Variants in EXOC4 observed in about 807,000 individuals in gnomAD.
EXOC4 encodes the protein exocyst complex component 4, also known as SEC8-like 1.
Under a neutral mutation model 107.2 loss-of-function variants are expected in EXOC4, and 71 were observed. The ratio of observed to expected loss-of-function variants is 0.66; its 90% CI spans 0.55 to 0.81. The LOEUF (loss-of-function observed/expected upper bound fraction) is 0.81, where lower values mean the gene tolerates loss of function less well. EXOC4 is among the 30% of genes least tolerant of loss of function. The probability of loss-of-function intolerance (pLI) is 0.00; values close to 1 mark genes in which losing one functional copy is unlikely to be tolerated. For missense variants in EXOC4, 1,108 were observed against 1,189.6 expected, an observed-to-expected ratio of 0.93 and a Z score of 1.01; for synonymous variants, 456 against 441.2, an observed-to-expected ratio of 1.03 and a Z score of -0.42.
At chr7:134,071,675 A>G in the EXOC4 span, among the ~76,000 whole-genome samples, 2 of 152,134 alleles carry the variant, frequency 1.3e-5, no homozygotes, top group Non-Finnish European at 2.9e-5. Context: ...CCCTATTATC[A>G]TCCTTGCTTT....
At chr7:133,764,633 A>G (rs1364676295) in intron 10 of EXOC4, among the ~76,000 whole-genome samples, 1 of 152,084 alleles carries the variant, frequency 6.6e-6, no homozygotes, top group African/African-American at 2.4e-5. Flanking sequence ...TATATCTCAT[A>G]TATGCACAGT....
At chr7:133,914,340 G>A (rs1002041569) in intron 12 of EXOC4, among the ~76,000 whole-genome samples, 5 of 152,162 alleles carry the variant, frequency 3.3e-5, no homozygotes, top group Non-Finnish European at 5.9e-5. Flanking sequence ...GGCTACAGAG[G>A]TTTCAGGACC....
At chr7:133,575,980 CA>C (rs1263202157) in intron 9 of EXOC4, among the ~76,000 whole-genome samples, 1 of 152,158 alleles carries the variant, frequency 6.6e-6, no homozygotes, top group Admixed American at 6.6e-5. Context: ...CAGATGGGCA[CA>C]GTGAATATTG....
intron 7 of EXOC4, among the ~76,000 whole-genome samples, chr7:133,408,972 G>A (rs942311248): frequency 2.8e-4 from 42 of 152,084 alleles, no homozygotes; most frequent in African/African-American, 9.2e-4. Flanking sequence ...CCTGTGTTAG[G>A]ACCATCTTAT....
intron 9 of EXOC4, among the ~76,000 whole-genome samples, chr7:133,533,493 C>G (rs1415407200): frequency 6.6e-6 from 1 of 152,072 alleles, no homozygotes; most frequent in African/African-American, 2.4e-5. Context: ...CAATGAGAAT[C>G]TGGCTAGTTT....
intron 14 of EXOC4, among the ~76,000 whole-genome samples, chr7:133,963,379 G>A (rs1453638732): frequency 6.6e-6 from 1 of 152,238 alleles, no homozygotes; most frequent in Non-Finnish European, 1.5e-5. Context: ...CATAAGTACT[G>A]TTGTAATACA....
chr7:133,560,662 C>T (rs1800788653), intron 9 of EXOC4, among the ~76,000 whole-genome samples: 1 of 152,052 alleles, frequency 6.6e-6, no homozygotes, highest in East Asian at 1.9e-4. Flanking sequence ...GCTGGTGTGG[C>T]TGTATTTCTG....
chr7:133,759,501 C>G (rs185009136), intron 10 of EXOC4, among the ~76,000 whole-genome samples: 3 of 152,292 alleles, frequency 2.0e-5, no homozygotes, highest in Non-Finnish European at 4.4e-5. Flanking sequence ...AAACAGCTGT[C>G]CTATGAGTGT....
At chr7:133,836,890 C>A (rs1289416348) in intron 11 of EXOC4, among the ~76,000 whole-genome samples, 1 of 152,056 alleles carries the variant, frequency 6.6e-6, no homozygotes, top group Non-Finnish European at 1.5e-5. Flanking sequence ...AATATAATTG[C>A]CGTTATACTG....
chr7:133,323,052 C>A (rs1436960296), intron 5 of EXOC4, among the ~76,000 whole-genome samples: 1 of 152,134 alleles, frequency 6.6e-6, no homozygotes, highest in African/African-American at 2.4e-5. Context: ...GATTTTTGCA[C>A]ATTGATTTTG....
intron 14 of EXOC4, among the ~76,000 whole-genome samples, chr7:133,966,535 A>G (rs1218179389): frequency 6.6e-6 from 1 of 152,194 alleles, no homozygotes; most frequent in Non-Finnish European, 1.5e-5. Context: ...TTTAGCATGA[A>G]GAGGTGTTGA....
intron 11 of EXOC4, among the ~76,000 whole-genome samples, chr7:133,841,896 T>C (rs1798031530): frequency 6.6e-6 from 1 of 152,222 alleles, no homozygotes; most frequent in East Asian, 1.9e-4. Flanking sequence ...CTCTCACTTA[T>C]AAGTGAGAAC....
At chr7:134,002,310 A>G (rs559664218) in intron 15 of EXOC4, among the ~76,000 whole-genome samples, 17 of 152,330 alleles carry the variant, frequency 1.1e-4, no homozygotes, top group African/African-American at 3.8e-4. Flanking sequence ...GACACATCCC[A>G]TATAAAACTT....
chr7:133,412,134 T>C (rs1797371057), intron 7 of EXOC4, among the ~76,000 whole-genome samples: 1 of 152,008 alleles, frequency 6.6e-6, no homozygotes. Flanking sequence ...TGTTATAAGG[T>C]GTGTTGCTTT....
chr7:133,428,733 A>G (rs1239410008), intron 7 of EXOC4, among the ~76,000 whole-genome samples: 2 of 152,314 alleles, frequency 1.3e-5, no homozygotes, highest in Non-Finnish European at 2.9e-5. Context: ...GTTTTCTGGT[A>G]TGCCACTTGC....
At chr7:133,815,983 C>A (rs1797359890) in intron 10 of EXOC4, among the ~76,000 whole-genome samples, 1 of 152,146 alleles carries the variant, frequency 6.6e-6, no homozygotes, top group Non-Finnish European at 1.5e-5. Flanking sequence ...CAGTGGGGGA[C>A]AGGGAGGCAC....
intron 10 of EXOC4, among the ~76,000 whole-genome samples, chr7:133,697,200 A>T (rs927635144): frequency 6.6e-6 from 1 of 152,190 alleles, no homozygotes; most frequent in Admixed American, 6.5e-5. Flanking sequence ...TTGTCCTTTC[A>T]CTAGACTGGA....
intron 10 of EXOC4, among the ~76,000 whole-genome samples, chr7:133,635,922 T>C (rs56784454): frequency 9.2e-5 from 14 of 152,290 alleles, no homozygotes; most frequent in African/African-American, 3.1e-4. Context: ...TTAGAGAATA[T>C]ATATTAAAAT....
chr7:134,053,118 G>A (rs1795835215), intron 17 of EXOC4, among the ~76,000 whole-genome samples: 1 of 152,058 alleles, frequency 6.6e-6, no homozygotes, highest in African/African-American at 2.4e-5. Context: ...GTAGGAGCAA[G>A]TTGAATATAG....
Sources: gnomAD v4.1 joint callset for allele counts (sites outside exome capture counted in the v4.1 genomes callset) on GRCh38, gnomAD v4.1.1 for gene constraint, MANE v1.5 for transcripts, NCBI Gene and HGNC (gene_info 2026-07-23, HGNC 2026-07-21) for gene names.